The following PRKN variants were observed in gnomAD, a reference collection of about 807,000 sequenced individuals.
PRKN encodes the protein parkin RBR E3 ubiquitin protein ligase.
In PRKN, 56 loss-of-function variants were observed where a neutral mutation model predicts 59.5. The observed-to-expected ratio is 0.94, with a 90% CI of 0.76 to 1.18. The LOEUF is 1.18. Ranked by LOEUF, PRKN falls within the 50% of genes most tolerant of loss-of-function variation. The pLI is 0.00. For synonymous variants in PRKN, 250 were observed against 222.1 expected (o/e 1.13, Z -1.12); for missense variants, 657 against 596.4 (o/e 1.10, Z -1.06).
intron 2 of PRKN, among the ~76,000 whole-genome samples, chr6:162,432,555 C>T (rs1350439747): frequency 2.0e-5 from 3 of 151,602 alleles, no homozygotes; most frequent in Non-Finnish European, 2.9e-5. Flanking sequence ...AAACAGAAAC[C>T]GACCTTTAAA....
At chr6:162,699,992 T>C (rs774740085) in intron 1 of PRKN, among the ~76,000 whole-genome samples, 5 of 152,200 alleles carry the variant, frequency 3.3e-5, no homozygotes, top group African/African-American at 9.7e-5. Context: ...AAAATGAATA[T>C]TGAATGAATA....
At chr6:161,819,422 C>T (rs759450211) in intron 6 of PRKN, among the ~76,000 whole-genome samples, 2 of 151,974 alleles carry the variant, frequency 1.3e-5, no homozygotes, top group South Asian at 2.1e-4. Flanking sequence ...ACCTGGGAGG[C>T]GGAGGTTGCA....
rs1284951673 is a variant in PRKN, at chr6:161,497,042, C to T, written c.1083+51812G>A. Among the ~76,000 whole-genome samples the T allele has an allele frequency of 6.6e-6, 1 of 152,214 alleles. No homozygotes were observed. Among genetic ancestry groups the T allele is most frequent in the Non-Finnish European group, 1.5e-5 (1 of 68,026 alleles). On this transcript the variant is annotated intron_variant, in intron 9 of 11. Transcript: ENST00000366898. The surrounding 1 kb of genome is among the most constrained non-coding windows in gnomAD (Gnocchi z 4.6). ...ATAATGGCAGCCCTAGGAGCAAATA[C>T]ATCAAGGCAGAAAACCCGTCACAAA...
rs79024865 is a variant in PRKN at position 162,386,304 on chromosome 6, G to C, written c.171+57006C>G. 6.6e-3 allele frequency among the ~76,000 whole-genome samples: 1,010 copies of C among 152,036 alleles called. 9 individuals carry two copies. The highest frequency in any genetic ancestry group is 0.014 in the Middle Eastern group (4 of 294). On this transcript the variant is annotated intron_variant, in intron 2 of 11. Transcript: ENST00000366898. Reference sequence around the variant, plus strand: ...GTCTGTCTACTTCAAAACAGCACGTGGTATATAATAAAAACATATAATTTT... The same window carrying C: ...GTCTGTCTACTTCAAAACAGCACGTCGTATATAATAAAAACATATAATTTT...
intron 1 of PRKN, among the ~76,000 whole-genome samples, chr6:162,457,399 T>C (rs1032327660): frequency 2.0e-5 from 3 of 152,174 alleles, no homozygotes; most frequent in African/African-American, 4.8e-5. Context: ...AATGATGCAA[T>C]TGCTGTATAA....
intron 2 of PRKN, among the ~76,000 whole-genome samples, chr6:162,338,777 G>A (rs1783976489): frequency 1.3e-5 from 2 of 150,878 alleles, no homozygotes; most frequent in South Asian, 4.2e-4. Flanking sequence ...GAGCGTCTCC[G>A]CCCGGCCGCC....
chr6:162,276,886 C>A (rs1172539148), intron 2 of PRKN, among the ~76,000 whole-genome samples: 1 of 151,888 alleles, frequency 6.6e-6, no homozygotes, highest in Non-Finnish European at 1.5e-5. Flanking sequence ...TTTATTCAAC[C>A]AATACCCTAT....
intron 9 of PRKN, among the ~76,000 whole-genome samples, chr6:161,435,866 C>T (rs1464448180): frequency 6.3e-5 from 7 of 111,408 alleles, no homozygotes; most frequent in African/African-American, 2.6e-4. Flanking sequence ...TCAAGGACTG[C>T]CTGGGAGGCC....
intron 6 of PRKN, among the ~76,000 whole-genome samples, chr6:161,906,014 G>C (rs563362594): frequency 6.8e-6 from 1 of 146,922 alleles, no homozygotes; most frequent in South Asian, 2.1e-4. Flanking sequence ...AATTTTAAAA[G>C]AGAGACAGGG....
intron 6 of PRKN, among the ~76,000 whole-genome samples, chr6:161,949,118 G>A (rs952888880): frequency 3.9e-5 from 6 of 152,176 alleles, no homozygotes; most frequent in African/African-American, 1.4e-4. Context: ...GTAGTTCCAT[G>A]CAGGACATGA....
chr6:161,758,682 A>T (rs577899264), intron 7 of PRKN, among the ~76,000 whole-genome samples: 54 of 152,168 alleles, frequency 3.5e-4, no homozygotes, highest in Non-Finnish European at 6.8e-4. Context: ...AAAACAATAT[A>T]AACCAACATT....
At chr6:162,697,487 ATAAT>A (rs1339264029) in intron 1 of PRKN, among the ~76,000 whole-genome samples, 1 of 152,204 alleles carries the variant, frequency 6.6e-6, no homozygotes, top group African/African-American at 2.4e-5. Flanking sequence ...TATGAGTTGA[ATAAT>A]TAATTTTTAA....
intron 7 of PRKN, among the ~76,000 whole-genome samples, chr6:161,774,434 G>C (rs112216782): frequency 1.5e-5 from 2 of 132,620 alleles, no homozygotes; most frequent in Non-Finnish European, 3.3e-5. Flanking sequence ...ACACACACAC[G>C]GCGTGGCTAG....
intron 2 of PRKN, among the ~76,000 whole-genome samples, chr6:162,338,483 A>C (rs1783957894): frequency 6.6e-6 from 1 of 152,098 alleles, no homozygotes; most frequent in Non-Finnish European, 1.5e-5. Context: ...CCAGCCCCTA[A>C]CCGCGAGTGA....
rs1457423789 is a variant in PRKN at position 162,010,605 on chromosome 6, T to G, written c.619-37188A>C. On this transcript the variant is annotated intron_variant, in intron 5 of 11. Coordinates refer to ENST00000366898, the MANE Select transcript of PRKN (RefSeq NM_004562.3). ...TATATTATATATAATATAATATATA[T>G]TATATAATATATTATATTATATATA... Among the ~76,000 whole-genome samples, 36 of 7,104 alleles carry G rather than the reference T, an allele frequency of 5.1e-3. 9 individuals carry two copies. The highest frequency in any genetic ancestry group is 6.3e-3 in the Non-Finnish European group (36 of 5,718). The allele number at this position is 7,104 out of a possible 152,430, so 4.7% of individuals were successfully genotyped here. A position where few individuals can be genotyped will look rare whatever the true frequency, so the allele number is the denominator to read the frequency against.
chr6:161,911,498 T>C (rs1778359833), intron 6 of PRKN, among the ~76,000 whole-genome samples: 1 of 152,200 alleles, frequency 6.6e-6, no homozygotes, highest in Admixed American at 6.5e-5. Context: ...TCGCCAGATA[T>C]TTCAACTCTT....
intron 9 of PRKN, among the ~76,000 whole-genome samples, chr6:161,534,988 A>T (rs1316686250): frequency 6.6e-6 from 1 of 152,236 alleles, no homozygotes. Flanking sequence ...GTGCTACGTG[A>T]AATACCACAT....
chr6:162,479,891 C>T (rs980660803), intron 1 of PRKN, among the ~76,000 whole-genome samples: 1 of 151,904 alleles, frequency 6.6e-6, no homozygotes, highest in Admixed American at 6.6e-5. Context: ...ATAGTGAAAC[C>T]TCGTCTCTAC....
At chr6:162,235,971 A>AAGAAAGAAAGAAAGAAAGAAAGAAAG (rs1778670344) in intron 3 of PRKN, among the ~76,000 whole-genome samples, 4 of 97,762 alleles carry the variant, frequency 4.1e-5, no homozygotes, top group African/African-American at 2.3e-4. Context: ...GAAAGAAAGA[A>AAGAAAGAAAGAAAGAAAGAAAGAAAG]AGAAAGAAAG....
Sources: allele counts gnomAD v4.1 joint callset (sites outside exome capture counted in the v4.1 genomes callset), GRCh38; gene constraint gnomAD v4.1.1; non-coding constraint Gnocchi (gnomAD v3.1); transcripts MANE v1.5; gene names NCBI Gene and HGNC (gene_info 2026-07-23, HGNC 2026-07-21).